The following GALNT16 variants were observed in gnomAD, a reference collection of about 807,000 sequenced individuals.
GALNT16 encodes the protein UDP-GalNAc:polypeptide N-acetylgalactosaminyltransferase-like protein 1.
In GALNT16, 40 loss-of-function variants were observed where a neutral mutation model predicts 76.1. The ratio of observed to expected loss-of-function variants is 0.53; its 90% CI spans 0.41 to 0.68. GALNT16 has a LOEUF of 0.68. Among genes scored for constraint, GALNT16 ranks in the 30% least tolerant of loss-of-function variants. GALNT16 has a pLI of 0.00. For missense variants in GALNT16, 621 were observed against 731.9 expected (o/e 0.85, Z 1.75); for synonymous variants, 276 against 285.2 (o/e 0.97, Z 0.32).
chr14:69,366,534 T>C, the GALNT16 span, among the ~76,000 whole-genome samples: 1 of 152,242 alleles, frequency 6.6e-6, no homozygotes, highest in Non-Finnish European at 1.5e-5. Flanking sequence ...AAAACCCTGA[T>C]GATTTCCTTC....
chr14:69,315,966 T>G (rs917791175), intron 1 of GALNT16, among the ~76,000 whole-genome samples: 3 of 151,956 alleles, frequency 2.0e-5, no homozygotes, highest in African/African-American at 7.3e-5. Context: ...AAAAAAAAAG[T>G]TCATTGTATA....
the GALNT16 span, among the ~76,000 whole-genome samples, chr14:69,367,428 CAAG>C: frequency 6.6e-6 from 1 of 151,770 alleles, no homozygotes; most frequent in Non-Finnish European, 1.5e-5. Context: ...GAGGGTACAA[CAAG>C]AAGGTGGCCA....
At chr14:69,296,767 T>TAGATAGAC (rs1216981832) in intron 1 of GALNT16, among the ~76,000 whole-genome samples, 18 of 131,112 alleles carry the variant, frequency 1.4e-4, no homozygotes, top group Non-Finnish European at 2.1e-4. Flanking sequence ...GATAGATAGA[T>TAGATAGAC]AGACAGATAG....
chr14:69,278,949 G>A, intron 1 of GALNT16, among the ~76,000 whole-genome samples: 1 of 113,852 alleles, frequency 8.8e-6, no homozygotes, highest in South Asian at 2.8e-4. Flanking sequence ...TTTTTTTTTT[G>A]AGACAAAGTC....
chr14:69,260,460 C>A lies in GALNT16; in HGVS notation c.170C>A (p.Pro57Gln). The change falls in exon 1 of 15, where the codon CCG (proline) becomes CAG (glutamine). Residue 57 changes from proline (P) to glutamine (Q), a missense_variant. Pro to Gln is a moderately conservative substitution (Grantham distance 76). Transcript: ENST00000448469. ...CAGCTCCGCGAGGACCGCACCATCC[C>A]GCTCATTGTGAGTACGCCCCGAGCG... ...SEQLREDRTI[P>Q]LIVTGTPSKG... 4.6e-6 allele frequency: 7 copies of A among 1,505,834 alleles called. No individual in the cohort carries two copies. The highest frequency in any genetic ancestry group is 2.7e-5 in the East Asian group (1 of 36,922). The allele number at this position is 1,505,834 out of a possible 1,614,324, so 93.3% of individuals were successfully genotyped here.
chr14:69,282,797 G>A (rs1310585531), intron 1 of GALNT16, among the ~76,000 whole-genome samples: 1 of 151,978 alleles, frequency 6.6e-6, no homozygotes, highest in Non-Finnish European at 1.5e-5. Context: ...CTCCTGAGTA[G>A]CTAAGATTAC....
intron 1 of GALNT16, among the ~76,000 whole-genome samples, chr14:69,262,709 A>ACC (rs142797627): frequency 6.6e-6 from 1 of 150,386 alleles, no homozygotes; most frequent in African/African-American, 2.5e-5. Flanking sequence ...ACCAGCACTG[A>ACC]CCCCCCCGTC....
chr14:69,377,835 AGAACAT>A, the GALNT16 span, among the ~76,000 whole-genome samples: 1 of 125,150 alleles, frequency 8.0e-6, no homozygotes, highest in Admixed American at 7.9e-5. Context: ...AAAAAAAAAA[AGAACAT>A]GAACATAAAA....
At position 69,260,426 on chromosome 14, in the gene GALNT16, A is replaced by G; in HGVS notation, c.136A>G (p.Arg46Gly). 3.1e-6 allele frequency: 5 copies of G among 1,589,004 alleles called. No individual in the cohort carries two copies. The highest frequency in any genetic ancestry group is 4.3e-6 in the Non-Finnish European group (5 of 1,166,998). The change falls in exon 1 of 15, where the codon AGG (arginine) becomes GGG (glycine). Residue 46 changes from arginine to glycine, a missense_variant. Physicochemically the swap from Arg to Gly is moderately radical, Grantham distance 125. Coordinates refer to ENST00000448469, the MANE Select transcript of GALNT16 (RefSeq NM_001168368.2). ...GGRGAQRAGR[R>G]SEQLREDRTI... The stretch of plus-strand genomic sequence containing the variant: ...CCGGGGCGCGCAGAGGGCAGGCAGG[A>G]GGTCGGAGCAGCTCCGCGAGGACCG...
Position 69,352,233 on chromosome 14 carries a change from G to A in GALNT16, c.*65G>A, listed in dbSNP as rs2045647202. On this transcript the variant is annotated 3_prime_UTR_variant, in exon 15 of 15. Transcript: ENST00000448469. ...TCGGGACCGGAAGGGGGTTAGGGTG[G>A]GGGAGTGCAAAGTGGGCTGTTCCCA... 7.0e-7 allele frequency: 1 copy of A among 1,435,032 alleles called. No individual in the cohort carries two copies. Among genetic ancestry groups the A allele is most frequent in the Non-Finnish European group, 9.4e-7 (1 of 1,062,494 alleles). 88.9% of individuals were successfully genotyped at this position (1,435,032 alleles called of 1,614,324 possible). A position where few individuals can be genotyped will look rare whatever the true frequency, so the allele number is the denominator to read the frequency against.
chr14:69,283,559 G>A (rs1310101804), intron 1 of GALNT16, among the ~76,000 whole-genome samples: 1 of 152,174 alleles, frequency 6.6e-6, no homozygotes, highest in Non-Finnish European at 1.5e-5. Flanking sequence ...TTCCAAGGTA[G>A]GATAGACAGG....
intron 1 of GALNT16, among the ~76,000 whole-genome samples, chr14:69,300,958 G>A (rs2044843125): frequency 6.6e-6 from 1 of 152,176 alleles, no homozygotes; most frequent in Non-Finnish European, 1.5e-5. Context: ...TTCTTCCTCT[G>A]CATCATATTC....
At chr14:69,336,470 G>T (rs759958406) in intron 9 of GALNT16, among the ~76,000 whole-genome samples, 2 of 152,224 alleles carry the variant, frequency 1.3e-5, no homozygotes, top group African/African-American at 2.4e-5. Flanking sequence ...TGCCCTTGCC[G>T]GCTCCTCTGC....
At chr14:69,296,769 GAC>G (rs1491029068) in intron 1 of GALNT16, among the ~76,000 whole-genome samples, 78 of 132,148 alleles carry the variant, frequency 5.9e-4, no homozygotes, top group African/African-American at 9.9e-4. Flanking sequence ...TAGATAGATA[GAC>G]AGATAGATGA....
chr14:69,332,826 C>CT (rs763996589), intron 7 of GALNT16, among the ~76,000 whole-genome samples: 53,317 of 115,756 alleles, frequency 0.46, 10,478 homozygotes, highest in African/African-American at 0.56. Context: ...TTGTTTTCTT[C>CT]TTTTTTTTTT....
At chr14:69,326,449 A>G (rs992676134) in intron 5 of GALNT16, among the ~76,000 whole-genome samples, 5 of 152,248 alleles carry the variant, frequency 3.3e-5, no homozygotes, top group African/African-American at 1.2e-4. Context: ...ACACGAAGGA[A>G]GTACAAAGCA....
At chr14:69,340,044 A>C (rs932050428) in intron 11 of GALNT16, among the ~76,000 whole-genome samples, 1 of 152,226 alleles carries the variant, frequency 6.6e-6, no homozygotes, top group Non-Finnish European at 1.5e-5. Flanking sequence ...TGGGTTGTGA[A>C]ATCAATTTAG....
At chr14:69,277,940 A>G (rs1407936856) in intron 1 of GALNT16, among the ~76,000 whole-genome samples, 1 of 152,082 alleles carries the variant, frequency 6.6e-6, no homozygotes, top group Non-Finnish European at 1.5e-5. Flanking sequence ...GCCAACAGAC[A>G]CATGAAAAAA....
chr14:69,296,077 A>G (rs527869369), intron 1 of GALNT16, among the ~76,000 whole-genome samples: 105 of 152,344 alleles, frequency 6.9e-4, no homozygotes, highest in African/African-American at 2.5e-3. Context: ...GGAAGCATAA[A>G]AGCTTCTGCT....
Sources: allele counts gnomAD v4.1 joint callset (sites outside exome capture counted in the v4.1 genomes callset), GRCh38; gene constraint gnomAD v4.1.1; transcripts MANE v1.5; gene names NCBI Gene and HGNC (gene_info 2026-07-23, HGNC 2026-07-21).